Variants in MAST4 observed in about 807,000 individuals in gnomAD.
MAST4 encodes microtubule-associated serine/threonine-protein kinase 4.
Under a neutral mutation model 162.7 loss-of-function variants are expected in MAST4, and 89 were observed. The observed-to-expected ratio is 0.55, with a 90% CI of 0.46 to 0.65. The LOEUF (loss-of-function observed/expected upper bound fraction) is 0.65. Ranked by LOEUF, MAST4 falls within the 30% of genes least tolerant of loss-of-function variation. The pLI, the probability that MAST4 is intolerant of heterozygous loss-of-function variation, is 0.00. For synonymous variants in MAST4, 1,479 were observed against 1,361.1 expected, an observed-to-expected ratio of 1.09 and a Z score of -1.91; for missense variants, 3,153 against 3,374.0, an observed-to-expected ratio of 0.93 and a Z score of 1.62.
chr5:66,871,951 G>A (rs1405876170), intron 3 of MAST4, among the ~76,000 whole-genome samples: 1 of 152,098 alleles, frequency 6.6e-6, no homozygotes, highest in Non-Finnish European at 1.5e-5. Flanking sequence ...TTTCATTGAC[G>A]AAAGCCTGTT....
At chr5:66,646,413 A>G (rs1745839976) in intron 1 of MAST4, among the ~76,000 whole-genome samples, 1 of 152,178 alleles carries the variant, frequency 6.6e-6, no homozygotes, top group South Asian at 2.1e-4. Flanking sequence ...TTCTTACAGA[A>G]GCCTTGAGCT....
Position 66,880,820 on chromosome 5 carries a change from T to A in MAST4, c.643-19131T>A, listed in dbSNP as rs543898707. 2.4e-4 allele frequency among the ~76,000 whole-genome samples: 37 copies of A among 152,272 alleles called. 1 individual carries two copies. The South Asian group carries it at 6.6e-3, about 27-fold the overall frequency. ...TCAAAAATACCAAAGGTAAAAAATA[T>A]CTTTGAAACTCAGTTCCACTAATGT... On this transcript the variant is annotated intron_variant, in intron 3 of 28. Coordinates refer to ENST00000403625, the MANE Select transcript of MAST4 (RefSeq NM_001164664.2).
At chr5:67,073,822 A>G (rs1761263138) in intron 5 of MAST4, among the ~76,000 whole-genome samples, 1 of 152,220 alleles carries the variant, frequency 6.6e-6, no homozygotes, top group South Asian at 2.1e-4. Context: ...ATATACTAAA[A>G]TGATTCATAT....
At chr5:67,157,806 G>A (rs1022888257) in intron 26 of MAST4, among the ~76,000 whole-genome samples, 1 of 152,198 alleles carries the variant, frequency 6.6e-6, no homozygotes, top group South Asian at 2.1e-4. Context: ...TGTAAAGGAA[G>A]GATAACAAAC....
intron 27 of MAST4, among the ~76,000 whole-genome samples, chr5:67,161,505 A>G (rs1773180205): frequency 6.6e-6 from 1 of 151,954 alleles, no homozygotes. Flanking sequence ...AGGTGGTTGT[A>G]TAAGAGCTTA....
intron 3 of MAST4, chr5:66,792,100 C>T (rs1755439312): frequency 6.1e-6 from 1 of 163,290 alleles, no homozygotes; most frequent in South Asian, 2.1e-4. Flanking sequence ...CTGCCGATTA[C>T]AACTAATAGA....
At chr5:67,049,355 CTTCA>C (rs958654374) in intron 4 of MAST4, among the ~76,000 whole-genome samples, 1 of 152,010 alleles carries the variant, frequency 6.6e-6, no homozygotes, top group African/African-American at 2.4e-5. Context: ...GTTTCAATCC[CTTCA>C]TTGTGAAGAA....
At chr5:66,768,936 T>C (rs1270057302) in intron 2 of MAST4, among the ~76,000 whole-genome samples, 1 of 152,216 alleles carries the variant, frequency 6.6e-6, no homozygotes, top group African/African-American at 2.4e-5. Context: ...GGCTTCATTT[T>C]TCTCAGTGCA....
At chr5:67,045,117 A>G (rs570907614) in intron 4 of MAST4, among the ~76,000 whole-genome samples, 7 of 152,364 alleles carry the variant, frequency 4.6e-5, no homozygotes, top group Admixed American at 4.6e-4. Flanking sequence ...GGCAGGGACC[A>G]CATTTAGCCA....
intron 4 of MAST4, among the ~76,000 whole-genome samples, chr5:67,041,502 A>G (rs1326177803): frequency 6.6e-6 from 1 of 152,206 alleles, no homozygotes; most frequent in Non-Finnish European, 1.5e-5. Context: ...TTTCTTCCAC[A>G]ACATCAAGTA....
chr5:67,015,542 C>G lies in MAST4; in HGVS notation c.675-38862C>G, dbSNP rs116578009. Among the ~76,000 whole-genome samples, 1,208 of 152,248 alleles carry G rather than the reference C, an allele frequency of 7.9e-3. 13 individuals carry two copies. The highest frequency in any genetic ancestry group is 0.027 in the African/African-American group (1,119 of 41,534). ...CAAAAGTAATTGTTTGTGCTTTGCT[C>G]TGTTTTGTTTTTGCCGTCTAGTCCT... On this transcript the variant is annotated intron_variant, in intron 4 of 28. Transcript: ENST00000403625.
intron 3 of MAST4, among the ~76,000 whole-genome samples, chr5:66,854,203 A>G (rs1275280215): frequency 6.6e-6 from 1 of 152,194 alleles, no homozygotes; most frequent in Non-Finnish European, 1.5e-5. Flanking sequence ...CCTAGCACAC[A>G]GTAGATGCTT....
rs536760667 is a variant in MAST4, at chr5:66,771,224, G to A, written c.517+11362G>A. On this transcript the variant is annotated intron_variant, in intron 2 of 28. Transcript: ENST00000403625. ...ATTTGAGACGGAGTCTCACTCTGTC[G>A]CCCAGGCTGGAGTGCAGTGGTGCAA... Among the ~76,000 whole-genome samples the A allele has an allele frequency of 9.3e-5, 14 of 150,086 alleles. No individual in the cohort carries two copies. The East Asian group carries it at 2.2e-3, about 23-fold the overall frequency.
intron 1 of MAST4, among the ~76,000 whole-genome samples, chr5:66,698,087 G>A (rs1033315332): frequency 1.3e-5 from 2 of 151,596 alleles, no homozygotes; most frequent in African/African-American, 4.8e-5. Flanking sequence ...CACCCATCTC[G>A]TGGCCTGGCT....
chr5:66,991,082 G>A (rs892094361), intron 4 of MAST4, among the ~76,000 whole-genome samples: 3 of 152,140 alleles, frequency 2.0e-5, no homozygotes, highest in Non-Finnish European at 2.9e-5. Context: ...TTGAGAGAAG[G>A]GATGTTACAG....
At chr5:67,008,964 T>C (rs948092340) in intron 4 of MAST4, among the ~76,000 whole-genome samples, 1 of 152,218 alleles carries the variant, frequency 6.6e-6, no homozygotes, top group African/African-American at 2.4e-5. Flanking sequence ...ATGAGAACTA[T>C]AGAGAATCCT....
chr5:67,095,504 G>A (rs1423339157), intron 6 of MAST4, 93 bp from the exon 7 acceptor site: 2 of 899,350 alleles, frequency 2.2e-6, no homozygotes, highest in African/African-American at 3.3e-5. Flanking sequence ...CTATGTTTGT[G>A]TCATTTGTTT....
chr5:66,974,966 C>G (rs1450522027), intron 4 of MAST4, among the ~76,000 whole-genome samples: 1 of 152,152 alleles, frequency 6.6e-6, no homozygotes, highest in Non-Finnish European at 1.5e-5. Context: ...GTTCTAACCT[C>G]TGAAACCTGT....
At position 66,699,902 on chromosome 5, in the gene MAST4, A is replaced by G. The variant is rs1241995649; in HGVS notation, c.364-59807A>G. ...TGTAACAAACGTGCATATTCTGCAC[A>G]TATATCCCGGAACTTAAAAAAAAAA... On this transcript the variant is annotated intron_variant, in intron 1 of 28. Coordinates refer to ENST00000403625, the MANE Select transcript of MAST4 (RefSeq NM_001164664.2). 2.0e-5 allele frequency among the ~76,000 whole-genome samples: 3 copies of G among 152,214 alleles called. No homozygotes were observed. The East Asian group carries it at 5.8e-4, about 29-fold the overall frequency.
Sources: allele counts gnomAD v4.1 joint callset (sites outside exome capture counted in the v4.1 genomes callset), GRCh38; gene constraint gnomAD v4.1.1; transcripts MANE v1.5; gene names NCBI Gene and HGNC (gene_info 2026-07-23, HGNC 2026-07-21).